SKIC3: variants seen among roughly 807,000 people sequenced by gnomAD.
SKIC3 encodes the protein superkiller complex protein 3.
At chr5:95,486,512 T>C in the SKIC3 span, among the ~76,000 whole-genome samples, 1 of 152,280 alleles carries the variant, frequency 6.6e-6, no homozygotes, top group South Asian at 2.1e-4. Flanking sequence ...AAGCATTTGC[T>C]GGCAGCCCGG....
At chr5:95,515,015 C>T in the SKIC3 span, 1 of 1,247,458 alleles carries the variant, frequency 8.0e-7, no homozygotes. Flanking sequence ...AGTCAAACCT[C>T]TCATCATAAA....
the SKIC3 span, chr5:95,478,503 C>T: frequency 3.4e-5 from 55 of 1,597,828 alleles, no homozygotes; most frequent in Non-Finnish European, 4.5e-5. Context: ...GTCTGTTACC[C>T]CTACTTCCAA....
chr5:95,470,017 C>T, the SKIC3 span: 7 of 1,373,880 alleles, frequency 5.1e-6, no homozygotes, highest in South Asian at 5.1e-5. Flanking sequence ...CGCTCTGTCA[C>T]CCAGCCTGGA....
the SKIC3 span, among the ~76,000 whole-genome samples, chr5:95,480,553 G>C: frequency 6.6e-6 from 1 of 152,106 alleles, no homozygotes; most frequent in Non-Finnish European, 1.5e-5. Flanking sequence ...TGACAATCTA[G>C]CAATATCAGC....
At chr5:95,495,140 C>T in the SKIC3 span, 1 of 831,476 alleles carries the variant, frequency 1.2e-6, no homozygotes, top group Non-Finnish European at 2.0e-6. Flanking sequence ...ACATTCACAA[C>T]TCCTAAACTT....
chr5:95,474,271 T>C, the SKIC3 span, among the ~76,000 whole-genome samples: 2 of 152,218 alleles, frequency 1.3e-5, no homozygotes, highest in African/African-American at 4.8e-5. Context: ...GGTCAATGTG[T>C]CTGTTTTTGT....
chr5:95,466,252 G>A, the SKIC3 span, among the ~76,000 whole-genome samples: 1 of 152,112 alleles, frequency 6.6e-6, no homozygotes. Context: ...AGCATGAGAA[G>A]TAGAGTAGAA....
At chr5:95,482,372 G>A in the SKIC3 span, 1 of 1,215,510 alleles carries the variant, frequency 8.2e-7, no homozygotes, top group Non-Finnish European at 1.2e-6. Flanking sequence ...AACATGGTGA[G>A]AGTGACAGCA....
chr5:95,542,084 C>T, the SKIC3 span, among the ~76,000 whole-genome samples: 5 of 151,942 alleles, frequency 3.3e-5, no homozygotes, highest in African/African-American at 7.3e-5. Context: ...AGCTGGGGGT[C>T]GGAGGGCACA....
At chr5:95,537,547 C>A in the SKIC3 span, among the ~76,000 whole-genome samples, 1 of 152,120 alleles carries the variant, frequency 6.6e-6, no homozygotes, top group Admixed American at 6.5e-5. Flanking sequence ...AATCTTCAAC[C>A]TTTAAAAAGC....
the SKIC3 span, among the ~76,000 whole-genome samples, chr5:95,479,200 C>G: frequency 6.6e-6 from 1 of 152,138 alleles, no homozygotes; most frequent in African/African-American, 2.4e-5. Context: ...GATTTAAACA[C>G]ACACACACAA....
chr5:95,529,103 C>A, the SKIC3 span: 2 of 1,613,140 alleles, frequency 1.2e-6, no homozygotes, highest in South Asian at 1.1e-5. Flanking sequence ...TCCTTTAACC[C>A]TAAAAGGATA....
chr5:95,500,879 C>A, the SKIC3 span, among the ~76,000 whole-genome samples: 1 of 152,094 alleles, frequency 6.6e-6, no homozygotes, highest in Non-Finnish European at 1.5e-5. Context: ...TCTACCATTA[C>A]GTCTTTGGAC....
the SKIC3 span, among the ~76,000 whole-genome samples, chr5:95,492,832 T>G: frequency 2.6e-5 from 4 of 152,010 alleles, no homozygotes; most frequent in Admixed American, 2.6e-4. Context: ...CAGTATTGTA[T>G]AGTTTGCATT....
chr5:95,500,934 CAAACAAG>C, the SKIC3 span, among the ~76,000 whole-genome samples: 1 of 151,986 alleles, frequency 6.6e-6, no homozygotes. Context: ...TTCATTTTGA[CAAACAAG>C]TATCAAATCA....
the SKIC3 span, among the ~76,000 whole-genome samples, chr5:95,492,486 A>G: frequency 6.7e-6 from 1 of 148,906 alleles, no homozygotes; most frequent in Non-Finnish European, 1.5e-5. Flanking sequence ...AATACAAAAA[A>G]ATTAGCCGGG....
the SKIC3 span, chr5:95,517,404 A>G: frequency 6.7e-7 from 1 of 1,490,974 alleles, no homozygotes; most frequent in African/African-American, 1.4e-5. Context: ...CTTAAAACAG[A>G]AAAACTGTAC....
At chr5:95,549,250 G>C in the SKIC3 span, among the ~76,000 whole-genome samples, 2 of 152,064 alleles carry the variant, frequency 1.3e-5, no homozygotes, top group East Asian at 3.9e-4. Flanking sequence ...GTGGGAATGA[G>C]TTGTGGCAAG....
chr5:95,512,358 G>A, the SKIC3 span: 1 of 1,224,372 alleles, frequency 8.2e-7, no homozygotes, highest in South Asian at 1.5e-5. Context: ...GCAAAAAGAA[G>A]GCAAATTCAT....
Sources: allele counts gnomAD v4.1 joint callset (sites outside exome capture counted in the v4.1 genomes callset), GRCh38; gene constraint gnomAD v4.1.1; transcripts MANE v1.5; gene names NCBI Gene and HGNC (gene_info 2026-07-23, HGNC 2026-07-21).